The following MLLT10 variants were observed in gnomAD, a reference collection of about 807,000 sequenced individuals.
MLLT10 encodes protein AF-10.
Under a neutral mutation model 129.1 loss-of-function variants are expected in MLLT10, and 30 were observed. That is an observed-to-expected ratio of 0.23 (90% CI 0.17 to 0.32). The LOEUF (loss-of-function observed/expected upper bound fraction) is 0.32. Among genes scored for constraint, MLLT10 ranks in the 10% least tolerant of loss-of-function variants. MLLT10 has a pLI of 1.00. For missense variants in MLLT10, 1,119 were observed against 1,268.3 expected (o/e 0.88, Z 1.79); for synonymous variants, 490 against 446.4 (o/e 1.10, Z -1.23).
chr10:21,734,380 A>G lies in MLLT10; in HGVS notation c.2858+251A>G, dbSNP rs181786144. Reference sequence around the variant, plus strand: ...GTCTTAATCTGTGATGTCTGTTTTTAAATACTAGTTTTTCTTATTTCTTTG... The same window carrying G: ...GTCTTAATCTGTGATGTCTGTTTTTGAATACTAGTTTTTCTTATTTCTTTG... On this transcript the variant is annotated intron_variant, in intron 20 of 22. Transcript: ENST00000307729. Among the ~76,000 whole-genome samples, 18 of 152,346 alleles carry G rather than the reference A, an allele frequency of 1.2e-4. No individual in the cohort carries two copies. In the East Asian group the frequency reaches 2.9e-3, roughly 24 times the overall value.
chr10:21,705,282 G>GT (rs2131488456), intron 13 of MLLT10, among the ~76,000 whole-genome samples: 1 of 152,288 alleles, frequency 6.6e-6, no homozygotes, highest in South Asian at 2.1e-4. Flanking sequence ...AGCAGGGTGG[G>GT]TAGGCCTAAC....
At chr10:21,661,942 T>C (rs2050254294) in intron 9 of MLLT10, among the ~76,000 whole-genome samples, 1 of 152,216 alleles carries the variant, frequency 6.6e-6, no homozygotes, top group African/African-American at 2.4e-5. Context: ...TAAATTTTTG[T>C]TACTGTTTTT....
At chr10:21,625,644 T>C in intron 8 of MLLT10, 1 of 760,178 alleles carries the variant, frequency 1.3e-6, no homozygotes, top group South Asian at 1.4e-5. Flanking sequence ...TCTGTGACTT[T>C]ACTGAATTCT....
chr10:21,669,923 G>GT (rs200919714), intron 9 of MLLT10, among the ~76,000 whole-genome samples: 3,178 of 149,370 alleles, frequency 0.021, 60 homozygotes, highest in Middle Eastern at 0.062. Flanking sequence ...AAATCTTTCT[G>GT]TTTTTTTTTG....
intron 21 of MLLT10, among the ~76,000 whole-genome samples, chr10:21,738,976 C>T (rs934158748): frequency 6.6e-6 from 1 of 152,132 alleles, no homozygotes; most frequent in Non-Finnish European, 1.5e-5. Flanking sequence ...TCAGTAGCTC[C>T]GCTGGCATAT....
chr10:21,681,671 ATT>A (rs1268977958), intron 12 of MLLT10, among the ~76,000 whole-genome samples: 2 of 151,852 alleles, frequency 1.3e-5, no homozygotes, highest in Non-Finnish European at 2.9e-5. Flanking sequence ...TTTTTTTAAC[ATT>A]TTGTTTTCTA....
At chr10:21,674,864 A>G (rs2051910735) in intron 11 of MLLT10, among the ~76,000 whole-genome samples, 1 of 152,222 alleles carries the variant, frequency 6.6e-6, no homozygotes, top group Non-Finnish European at 1.5e-5. Context: ...AGGAAATGGT[A>G]TGGAAAAATG....
At chr10:21,541,724 G>A (rs2035194924) in intron 3 of MLLT10, among the ~76,000 whole-genome samples, 1 of 152,050 alleles carries the variant, frequency 6.6e-6, no homozygotes, top group South Asian at 2.1e-4. Flanking sequence ...TTGTTGACCA[G>A]CCTCGTCTGG....
chr10:21,543,243 C>T (rs1211093594), intron 3 of MLLT10, among the ~76,000 whole-genome samples: 1 of 152,072 alleles, frequency 6.6e-6, no homozygotes, highest in African/African-American at 2.4e-5. Context: ...GCCTCAGTCT[C>T]CCCAGTAGCT....
At position 21,550,602 on chromosome 10, in the gene MLLT10, G is replaced by A. The variant is rs373495821; in HGVS notation, c.240+11690G>A. 2.8e-4 allele frequency among the ~76,000 whole-genome samples: 43 copies of A among 152,292 alleles called. 2 individuals carry two copies. The highest frequency in any genetic ancestry group is 9.6e-4 in the African/African-American group (40 of 41,568). On this transcript the variant is annotated intron_variant, in intron 3 of 22. Transcript: ENST00000307729. ...GCTAGAGTGCAGTGATGCAATCTCA[G>A]CTCACTTCAACCTCCGCCTCCTGGG...
chr10:21,731,528 A>G lies in MLLT10; in HGVS notation c.2218+474A>G, dbSNP rs112334745. ...ATGAGCACTGTCTTCTCTTACCCCA[A>G]TTGTTAGAAGAAAACTTGCTCACCT... On this transcript the variant is annotated intron_variant, in intron 17 of 22. Coordinates refer to ENST00000307729, the MANE Select transcript of MLLT10 (RefSeq NM_001195626.3). 5.9e-5 allele frequency among the ~76,000 whole-genome samples: 9 copies of G among 152,248 alleles called. 1 individual carries two copies. The highest frequency in any genetic ancestry group is 2.2e-4 in the African/African-American group (9 of 41,540).
chr10:21,574,825 G>C (rs1365620392), intron 3 of MLLT10, among the ~76,000 whole-genome samples: 4 of 152,196 alleles, frequency 2.6e-5, no homozygotes, highest in Non-Finnish European at 5.9e-5. Context: ...CCAGAGGTCA[G>C]TTTTGTCACC....
chr10:21,667,367 GT>G lies in MLLT10; in HGVS notation c.796-3070del, dbSNP rs781555449. Among the ~76,000 whole-genome samples, 715 of 139,486 alleles carry G rather than the reference GT, an allele frequency of 5.1e-3. 5 individuals carry two copies. The highest frequency in any genetic ancestry group is 0.02 in the Middle Eastern group (5 of 254). 91.5% of individuals were successfully genotyped at this position (139,486 alleles called of 152,430 possible). Reference sequence around the variant, plus strand: ...TACTTGAGGTTCTTAAACTGTGGGGGTTTTTTTTTTTTCATCAATTTTATAA... The same window carrying G: ...TACTTGAGGTTCTTAAACTGTGGGGGTTTTTTTTTTTCATCAATTTTATAA... On this transcript the variant is annotated intron_variant, in intron 9 of 22. Transcript: ENST00000307729.
chr10:21,678,191 G>C (rs1008301476), intron 11 of MLLT10, among the ~76,000 whole-genome samples: 2 of 152,028 alleles, frequency 1.3e-5, no homozygotes, highest in Non-Finnish European at 2.9e-5. Context: ...TGCCACCTCT[G>C]CCTCCCGAGT....
chr10:21,605,369 A>G (rs2043959032), intron 5 of MLLT10, among the ~76,000 whole-genome samples: 1 of 152,158 alleles, frequency 6.6e-6, no homozygotes, highest in Admixed American at 6.5e-5. Flanking sequence ...TGTAAGTAGA[A>G]TGATTTTAAG....
intron 8 of MLLT10, 124 bp downstream of exon 8, chr10:21,617,331 G>A (rs2131212863): frequency 2.5e-6 from 1 of 398,266 alleles, no homozygotes; most frequent in Non-Finnish European, 4.5e-6. Context: ...AAACATTTTG[G>A]CTAATAAAGA....
chr10:21,685,850 T>C (rs917123807), intron 13 of MLLT10, among the ~76,000 whole-genome samples: 7 of 152,166 alleles, frequency 4.6e-5, no homozygotes, highest in African/African-American at 1.7e-4. Flanking sequence ...AATGTAGCAA[T>C]TAACAATTTT....
intron 8 of MLLT10, among the ~76,000 whole-genome samples, chr10:21,620,440 G>T (rs1405379142): frequency 6.6e-6 from 1 of 152,138 alleles, no homozygotes; most frequent in East Asian, 1.9e-4. Context: ...ATTTACCATG[G>T]AGTTATGTCA....
At chr10:21,629,983 G>C (rs1054211256) in intron 8 of MLLT10, among the ~76,000 whole-genome samples, 1 of 152,104 alleles carries the variant, frequency 6.6e-6, no homozygotes, top group Admixed American at 6.6e-5. Flanking sequence ...AATTAAAAAA[G>C]AATCTCAGAT....
Sources: allele counts gnomAD v4.1 joint callset (sites outside exome capture counted in the v4.1 genomes callset), GRCh38; gene constraint gnomAD v4.1.1; transcripts MANE v1.5; gene names NCBI Gene and HGNC (gene_info 2026-07-23, HGNC 2026-07-21).